Variants in CFAP221 observed in about 807,000 individuals in gnomAD.
The protein encoded by CFAP221 is cilia- and flagella-associated protein 221.
A neutral mutation model predicts 113.1 loss-of-function variants in CFAP221; 97 were observed. The ratio of observed to expected loss-of-function variants is 0.86; its 90% CI spans 0.73 to 1.02. The LOEUF (loss-of-function observed/expected upper bound fraction) is 1.02, where lower values mean the gene tolerates loss of function less well. CFAP221 is among the 50% of genes least tolerant of loss of function. CFAP221 has a pLI of 0.00. For synonymous variants in CFAP221, 331 were observed against 354.4 expected, an observed-to-expected ratio of 0.93 and a Z score of 0.74; for missense variants, 1,025 against 1,013.4, an observed-to-expected ratio of 1.01 and a Z score of -0.16.
chr2:119,620,477 T>C (rs1685828322), intron 14 of CFAP221, among the ~76,000 whole-genome samples: 1 of 152,208 alleles, frequency 6.6e-6, no homozygotes, highest in South Asian at 2.1e-4. Context: ...CACAATTTCA[T>C]ATCCAGCCAA....
At chr2:119,608,660 G>A in intron 12 of CFAP221, 71 bp downstream of exon 12, 1 of 1,302,936 alleles carries the variant, frequency 7.7e-7, no homozygotes, top group Non-Finnish European at 1.1e-6. Context: ...TATGCAAGAT[G>A]CCAGGTGGAG....
chr2:119,563,618 G>T (rs963911832), intron 6 of CFAP221, among the ~76,000 whole-genome samples: 4 of 152,160 alleles, frequency 2.6e-5, no homozygotes, highest in African/African-American at 9.7e-5. Flanking sequence ...GAGGACATCT[G>T]CAGGACCTGG....
chr2:119,614,714 A>T (rs1685409314), intron 13 of CFAP221, among the ~76,000 whole-genome samples: 1 of 152,180 alleles, frequency 6.6e-6, no homozygotes, highest in East Asian at 1.9e-4. Flanking sequence ...TCAAGATGAG[A>T]TTTGGGTGGG....
intron 6 of CFAP221, among the ~76,000 whole-genome samples, chr2:119,571,099 T>C (rs2104569330): frequency 6.6e-6 from 1 of 150,812 alleles, no homozygotes; most frequent in East Asian, 1.9e-4. Context: ...GTTAGCTAGG[T>C]GTGGTTACAC....
chr2:119,632,877 A>G (rs977858062), intron 19 of CFAP221, among the ~76,000 whole-genome samples: 1 of 152,158 alleles, frequency 6.6e-6, no homozygotes, highest in Non-Finnish European at 1.5e-5. Flanking sequence ...TTCAAAAGCC[A>G]TATCATTTAA....
At chr2:119,628,282 C>CTG (rs1435997148) in intron 16 of CFAP221, among the ~76,000 whole-genome samples, 1 of 46,444 alleles carries the variant, frequency 2.2e-5, no homozygotes, top group Admixed American at 2.8e-4. Context: ...CTCTCTCTCT[C>CTG]TCTCTCTGGG....
chr2:119,630,504 T>C, intron 17 of CFAP221, 66 bp from the exon 18 acceptor site: 3 of 1,226,988 alleles, frequency 2.4e-6, no homozygotes, highest in Non-Finnish European at 3.6e-6. Context: ...AATGCTGTTG[T>C]TGAGAAGTAG....
chr2:119,612,177 G>C (rs1685217655), intron 13 of CFAP221, among the ~76,000 whole-genome samples: 2 of 152,190 alleles, frequency 1.3e-5, no homozygotes, highest in South Asian at 4.1e-4. Flanking sequence ...CCTCTTGGCT[G>C]TGGTGCCTTA....
chr2:119,559,810 G>A, intron 4 of CFAP221, 35 bp downstream of exon 4: 1 of 1,492,066 alleles, frequency 6.7e-7, no homozygotes, highest in South Asian at 1.2e-5. Flanking sequence ...CTCCCACGGT[G>A]TGGTTGTCTG....
chr2:119,603,375 A>G (rs1384694180), intron 8 of CFAP221, among the ~76,000 whole-genome samples: 1 of 152,098 alleles, frequency 6.6e-6, no homozygotes, highest in African/African-American at 2.4e-5. Flanking sequence ...TCAGTTCGCT[A>G]CCTGGCTAAA....
chr2:119,604,980 A>G lies in CFAP221; in HGVS notation c.1017A>G (p.Leu339=). The change falls in exon 10 of 24, where the codon TTA becomes TTG. Residue 339 remains leucine (L), a synonymous_variant. Transcript: ENST00000413369. ...QEPGKLKIKE[L]REVLDQGTEI... ...CAGGAAAATTGAAGATTAAAGAATT[A>G]AGAGAAGGTAACCAGTTGATTGGCC... is the stretch of plus-strand genomic sequence containing the variant. 1 of 1,613,822 alleles carries G rather than the reference A, an allele frequency of 6.2e-7. No homozygotes were observed. The highest frequency in any genetic ancestry group is 8.5e-7 in the Non-Finnish European group (1 of 1,179,698).
intron 19 of CFAP221, 119 bp downstream of exon 19, chr2:119,631,020 A>G: frequency 6.8e-7 from 1 of 1,474,406 alleles, no homozygotes; most frequent in East Asian, 2.3e-5. Flanking sequence ...AGTGTTAAAC[A>G]ATATCTGACC....
downstream of CFAP221, among the ~76,000 whole-genome samples, chr2:119,659,652 A>G (rs1688552002): frequency 6.6e-6 from 1 of 152,204 alleles, no homozygotes. Flanking sequence ...GCTCCTCTGC[A>G]TTCCTCCTCC....
intron 6 of CFAP221, 120 bp from the exon 7 acceptor site, chr2:119,586,999 A>G: frequency 1.5e-6 from 1 of 647,508 alleles, no homozygotes; most frequent in South Asian, 2.6e-5. Flanking sequence ...AGGAAGTGCC[A>G]GATCAGCATT....
At chr2:119,638,626 G>C (rs1027157082) in intron 20 of CFAP221, among the ~76,000 whole-genome samples, 12 of 152,108 alleles carry the variant, frequency 7.9e-5, no homozygotes, top group Non-Finnish European at 5.9e-5. Context: ...CCTGCCTCTC[G>C]GGCTGCCTGC....
chr2:119,590,323 A>G (rs1466380823), intron 7 of CFAP221: 1 of 152,248 alleles, frequency 6.6e-6, no homozygotes, highest in Non-Finnish European at 1.5e-5. Context: ...GAGTAAACCC[A>G]GAACCTCTGC....
At chr2:119,581,987 C>T (rs1040446901) in intron 6 of CFAP221, among the ~76,000 whole-genome samples, 2 of 152,092 alleles carry the variant, frequency 1.3e-5, no homozygotes, top group Admixed American at 1.3e-4. Flanking sequence ...AAAAAAGTGA[C>T]AGCAGTTCTT....
intron 16 of CFAP221, among the ~76,000 whole-genome samples, chr2:119,629,546 C>G (rs75784594): frequency 3.3e-5 from 5 of 152,282 alleles, no homozygotes; most frequent in African/African-American, 4.8e-5. Context: ...TCCCCTGCCC[C>G]CAAGAGGTGT....
At position 119,604,765 on chromosome 2, in the gene CFAP221, A is replaced by G. The variant is rs1446873739; in HGVS notation, c.885A>G (p.Pro295=). Residue 295 remains proline (P), a synonymous_variant, in exon 9 of 24, where the codon CCA becomes CCG. Coordinates refer to ENST00000413369, the MANE Select transcript of CFAP221 (RefSeq NM_001271049.2). ...TGCATATAAATTTTCACCGACCGCC[A>G]GCGAAGCCGAAGCCTCAGAAGGTGA... The part of the protein sequence containing the change: ...AMMHINFHRP[P]AKPKPQKVKE... 3 of 1,544,630 alleles carry G rather than the reference A, an allele frequency of 1.9e-6. No individual in the cohort carries two copies. The highest frequency in any genetic ancestry group is 1.7e-6 in the Non-Finnish European group (2 of 1,149,484).
Sources: allele counts gnomAD v4.1 joint callset (sites outside exome capture counted in the v4.1 genomes callset), GRCh38; gene constraint gnomAD v4.1.1; transcripts MANE v1.5; gene names NCBI Gene and HGNC (gene_info 2026-07-23, HGNC 2026-07-21).